The following ETV6 variants were observed in gnomAD, a reference collection of about 807,000 sequenced individuals.
ETV6 encodes transcription factor ETV6.
Under a neutral mutation model 51.1 loss-of-function variants are expected in ETV6, and 16 were observed. That is an observed-to-expected ratio of 0.31 (90% CI 0.21 to 0.48). The LOEUF (loss-of-function observed/expected upper bound fraction) is 0.48. Ranked by LOEUF, ETV6 falls within the 20% of genes least tolerant of loss-of-function variation. ETV6 has a pLI of 0.99. For synonymous variants in ETV6, 240 were observed against 224.1 expected, an observed-to-expected ratio of 1.07 and a Z score of -0.64; for missense variants, 458 against 594.8, an observed-to-expected ratio of 0.77 and a Z score of 2.39.
In ETV6 at chr12:11,741,463, T is replaced by G. The variant is rs562291703; in HGVS notation, c.34-10987T>G. On this transcript the variant is annotated intron_variant, in intron 1 of 7. Transcript: ENST00000396373. ...TTTTCCTTTCCTCTTCCTTGTTTTT[T>G]ATTAACCTTGTCTTGCTCCTGCCAC... 2.0e-5 allele frequency among the ~76,000 whole-genome samples: 3 copies of G among 152,208 alleles called. No homozygotes were observed. The East Asian group carries it at 5.8e-4, about 29-fold the overall frequency.
rs1313717519 is a variant in ETV6 at position 11,893,818 on chromosome 12, A to AT, written c.*2773dup. The AT allele has an allele frequency of 8.0e-6, 1 of 125,396 alleles. No homozygotes were observed. The highest frequency in any genetic ancestry group is 5.1e-5 in the African/African-American group (1 of 19,718). The allele number at this position is 125,396 out of a possible 1,614,324, so 7.8% of individuals were successfully genotyped here. ...TTTATATATATATATATATATATAT[A>AT]TATATATATATATATATATATATAC... On this transcript the variant is annotated 3_prime_UTR_variant, in exon 8 of 8. Coordinates refer to ENST00000396373, the MANE Select transcript of ETV6 (RefSeq NM_001987.5).
chr12:11,746,253 G>A (rs1353140403), intron 1 of ETV6, among the ~76,000 whole-genome samples: 1 of 152,172 alleles, frequency 6.6e-6, no homozygotes, highest in Non-Finnish European at 1.5e-5. Context: ...ATTGTTGACT[G>A]GTTGGCATTA....
At chr12:11,873,482 A>ACAAAAATTCGTCGGGCATGTTGGT (rs1565561984) in intron 5 of ETV6, among the ~76,000 whole-genome samples, 8 of 45,908 alleles carry the variant, frequency 1.7e-4, no homozygotes, top group East Asian at 3.3e-3. Context: ...TCCGTAAAGC[A>ACAAAAATTCGTCGGGCATGTTGGT]GCTGTTAGAT....
At chr12:11,749,439 AC>A (rs1461143781) in intron 1 of ETV6, among the ~76,000 whole-genome samples, 1 of 151,784 alleles carries the variant, frequency 6.6e-6, no homozygotes, top group Non-Finnish European at 1.5e-5. Flanking sequence ...TCTCACCACC[AC>A]CCCCTCCTTT....
At chr12:11,777,150 G>C (rs1945338925) in intron 2 of ETV6, among the ~76,000 whole-genome samples, 1 of 145,238 alleles carries the variant, frequency 6.9e-6, no homozygotes, top group African/African-American at 2.5e-5. Context: ...TGAGGCAGGA[G>C]AATGGCGTGA....
intron 2 of ETV6, among the ~76,000 whole-genome samples, chr12:11,810,309 G>A (rs760495221): frequency 5.3e-5 from 8 of 152,276 alleles, no homozygotes; most frequent in East Asian, 1.9e-4. Context: ...TTGAGAGCTC[G>A]TGTAGAAAGC....
At chr12:11,777,368 G>C (rs189418301) in intron 2 of ETV6, among the ~76,000 whole-genome samples, 8 of 151,886 alleles carry the variant, frequency 5.3e-5, no homozygotes, top group Non-Finnish European at 7.4e-5. Context: ...AAACCAAAAG[G>C]CTATGGAGGA....
chr12:11,745,834 C>G (rs1424731881), intron 1 of ETV6, among the ~76,000 whole-genome samples: 2 of 152,164 alleles, frequency 1.3e-5, no homozygotes, highest in Non-Finnish European at 2.9e-5. Context: ...TGTTTGTACT[C>G]AAAAATGCCC....
chr12:11,769,951 C>T (rs187068379), intron 2 of ETV6, among the ~76,000 whole-genome samples: 78 of 152,038 alleles, frequency 5.1e-4, no homozygotes, highest in African/African-American at 1.5e-3. Context: ...GAGAAGAATA[C>T]GATAAGAGGA....
intron 2 of ETV6, among the ~76,000 whole-genome samples, chr12:11,792,339 A>C (rs939113290): frequency 6.6e-6 from 1 of 152,178 alleles, no homozygotes; most frequent in Non-Finnish European, 1.5e-5. Flanking sequence ...CTAAGAATTT[A>C]CTTTAGACAA....
chr12:11,682,398 A>G (rs1864548269), intron 1 of ETV6, among the ~76,000 whole-genome samples: 1 of 152,100 alleles, frequency 6.6e-6, no homozygotes, highest in African/African-American at 2.4e-5. Context: ...TCCTTTGCCT[A>G]CTTTTAGATG....
At chr12:11,742,430 T>C (rs1838265327) in intron 1 of ETV6, among the ~76,000 whole-genome samples, 1 of 152,228 alleles carries the variant, frequency 6.6e-6, no homozygotes, top group South Asian at 2.1e-4. Context: ...TTGACAAGTA[T>C]AGGTAGAAAT....
intron 2 of ETV6, among the ~76,000 whole-genome samples, chr12:11,814,184 G>A (rs1056678003): frequency 6.6e-6 from 1 of 152,142 alleles, no homozygotes; most frequent in African/African-American, 2.4e-5. Flanking sequence ...ACCCACTCAG[G>A]AATCAAAGAA....
At chr12:11,785,203 G>C (rs2136375661) in intron 2 of ETV6, among the ~76,000 whole-genome samples, 1 of 152,174 alleles carries the variant, frequency 6.6e-6, no homozygotes, top group South Asian at 2.1e-4. Context: ...CATGATGGCA[G>C]GCCGTACCAA....
chr12:11,668,764 A>G (rs565469272), intron 1 of ETV6, among the ~76,000 whole-genome samples: 1 of 152,180 alleles, frequency 6.6e-6, no homozygotes, highest in African/African-American at 2.4e-5. Context: ...CTATTGCACA[A>G]TTGCCCGGCC....
chr12:11,684,976 GC>G (rs901454229), intron 1 of ETV6, among the ~76,000 whole-genome samples: 4 of 152,162 alleles, frequency 2.6e-5, no homozygotes, highest in African/African-American at 9.7e-5. Context: ...GTGACGCAGG[GC>G]CAGGGGGATC....
At chr12:11,832,388 C>T (rs112753515) in intron 2 of ETV6, among the ~76,000 whole-genome samples, 2 of 152,136 alleles carry the variant, frequency 1.3e-5, no homozygotes, top group African/African-American at 4.8e-5. Flanking sequence ...GCTCTTGGCC[C>T]GGACAAATGA....
intron 2 of ETV6, among the ~76,000 whole-genome samples, chr12:11,807,310 G>A (rs1427794557): frequency 1.3e-5 from 2 of 152,234 alleles, no homozygotes; most frequent in Non-Finnish European, 2.9e-5. Flanking sequence ...GATTTTGGTA[G>A]TATACGCCAA....
At chr12:11,850,996 A>G (rs73053908) in intron 3 of ETV6, among the ~76,000 whole-genome samples, 8,167 of 152,084 alleles carry the variant, frequency 0.054, 296 homozygotes, top group Non-Finnish European at 0.079. Context: ...CTCATAGCAA[A>G]TGCTGGAGGT....
Sources: allele counts gnomAD v4.1 joint callset (sites outside exome capture counted in the v4.1 genomes callset), GRCh38; gene constraint gnomAD v4.1.1; transcripts MANE v1.5; gene names NCBI Gene and HGNC (gene_info 2026-07-23, HGNC 2026-07-21).